Variants in ZBTB37 observed in about 807,000 individuals in gnomAD.
ZBTB37 encodes the protein zinc finger and BTB domain-containing protein 37.
ZBTB37 carries 15 observed loss-of-function variants against 37.7 expected under a neutral mutation model. That is an observed-to-expected ratio of 0.40 (90% CI 0.27 to 0.61). The LOEUF (loss-of-function observed/expected upper bound fraction) is 0.61. Ranked by LOEUF, ZBTB37 falls within the 20% of genes least tolerant of loss-of-function variation. ZBTB37 has a pLI of 0.44. For synonymous variants in ZBTB37, 231 were observed against 220.6 expected (o/e 1.05, Z -0.42); for missense variants, 514 against 641.9 (o/e 0.80, Z 2.15).
chr1:173,879,249 G>T (rs958244943), intron 4 of ZBTB37, among the ~76,000 whole-genome samples: 3 of 152,126 alleles, frequency 2.0e-5, no homozygotes, highest in African/African-American at 7.2e-5. Flanking sequence ...GGTTTAGCAT[G>T]AATCACATCA....
chr1:173,873,506 A>G (rs1256896018), exon 4 of ZBTB37: 1 of 1,613,736 alleles, frequency 6.2e-7, no homozygotes, highest in Non-Finnish European at 8.5e-7. Context: ...TGACAGAGAG[A>G]CACAGAGCCA....
At chr1:173,886,177 A>G in exon 5 of ZBTB37, 1 of 1,503,828 alleles carries the variant, frequency 6.6e-7, no homozygotes, top group Non-Finnish European at 8.9e-7. Context: ...ATAAGCAGCC[A>G]GCATCAGAGC....
rs139276223 is a variant in ZBTB37 at position 173,873,380 on chromosome 1, A to G, written c.924-87A>G. 2.3e-4 allele frequency: 320 copies of G among 1,389,694 alleles called. 1 individual carries two copies. In the African/African-American group the frequency reaches 3.7e-3, roughly 16 times the overall value. The allele number at this position is 1,389,694 out of a possible 1,614,324, so 86.1% of individuals were successfully genotyped here. A position where few individuals can be genotyped will look rare whatever the true frequency, so the allele number is the denominator to read the frequency against. On this transcript the variant is annotated intron_variant, in intron 3 of 4. Transcript: ENST00000427304. ...TTGGTTTGTTCCCCCTTCCTCAGCC[A>G]TAGAATAAAGAGGGGCGACATCACC...
exon 3 of ZBTB37, chr1:173,870,926 A>G: frequency 6.2e-7 from 1 of 1,614,214 alleles, no homozygotes; most frequent in Admixed American, 1.7e-5. Context: ...GGTCGGAGTG[A>G]TGATGAAGTT....
intron 3 of ZBTB37, among the ~76,000 whole-genome samples, chr1:173,872,078 A>T (rs559231884): frequency 2.0e-5 from 3 of 152,204 alleles, no homozygotes; most frequent in Admixed American, 6.5e-5. Context: ...TATTTTATTT[A>T]TTTTATTTGA....
exon 4 of ZBTB37, chr1:173,897,202 C>T (rs1422207928): frequency 6.6e-6 from 1 of 152,144 alleles, no homozygotes; most frequent in African/African-American, 2.4e-5. Context: ...TAGTCATCTA[C>T]TGTGACCTTG....
At chr1:173,871,184 G>C (rs1655538514) in intron 3 of ZBTB37, 36 bp downstream of exon 3, 1 of 1,530,682 alleles carries the variant, frequency 6.5e-7, no homozygotes, top group African/African-American at 1.4e-5. Context: ...CCATGTAATG[G>C]CTATTGTGTA....
At chr1:173,870,591 G>T (rs1295514049) in exon 3 of ZBTB37, 2 of 1,614,154 alleles carry the variant, frequency 1.2e-6, no homozygotes, top group South Asian at 2.2e-5. Flanking sequence ...CACAGATCCT[G>T]GAGGGCATTC....
chr1:173,872,751 T>G (rs993562321), intron 3 of ZBTB37, among the ~76,000 whole-genome samples: 1 of 152,180 alleles, frequency 6.6e-6, no homozygotes, highest in Non-Finnish European at 1.5e-5. Flanking sequence ...CTCACACCTG[T>G]GATCCCAGCA....
chr1:173,901,008 A>G (rs962709632), exon 4 of ZBTB37: 2 of 152,350 alleles, frequency 1.3e-5, no homozygotes, highest in East Asian at 3.9e-4. Flanking sequence ...ATGATAAAAG[A>G]TAAATACGTA....
intron 4 of ZBTB37, 57 bp from the exon 5 acceptor site, chr1:173,885,579 A>T: frequency 7.3e-7 from 1 of 1,373,134 alleles, no homozygotes; most frequent in Non-Finnish European, 9.8e-7. Flanking sequence ...GATTGCTTTT[A>T]ATATGTATGC....
At chr1:173,901,491 C>T (rs1030779114) in exon 4 of ZBTB37, 1 of 151,148 alleles carries the variant, frequency 6.6e-6, no homozygotes, top group Non-Finnish European at 1.5e-5. Flanking sequence ...GCAGCCTCCA[C>T]CTCCTGGACT....
exon 4 of ZBTB37, chr1:173,901,299 C>G (rs991952062): frequency 6.6e-6 from 1 of 152,006 alleles, no homozygotes; most frequent in Non-Finnish European, 1.5e-5. Flanking sequence ...CTGCTATGAT[C>G]TCTGTTCACA....
intron 4 of ZBTB37, among the ~76,000 whole-genome samples, chr1:173,880,127 A>T (rs1031924300): frequency 1.3e-5 from 2 of 152,164 alleles, no homozygotes; most frequent in Non-Finnish European, 2.9e-5. Flanking sequence ...AGTGCATTTT[A>T]TTGCATTTGA....
chr1:173,891,947 A>C (rs985767187), exon 4 of ZBTB37: 1 of 152,174 alleles, frequency 6.6e-6, no homozygotes, highest in Non-Finnish European at 1.5e-5. Flanking sequence ...AGCTTTCTAT[A>C]ATAGGGACTC....
intron 4 of ZBTB37, 71 bp downstream of exon 4, chr1:173,873,637 T>A: frequency 1.9e-6 from 3 of 1,585,034 alleles, no homozygotes; most frequent in Admixed American, 3.6e-5. Context: ...TAGAAAATAA[T>A]GAAAAAGAAA....
chr1:173,870,097 T>C, intron 2 of ZBTB37, 103 bp from the exon 3 acceptor site: 1 of 770,388 alleles, frequency 1.3e-6, no homozygotes, highest in Non-Finnish European at 2.0e-6. Context: ...CTGGAGATTT[T>C]GAAACTTTAC....
chr1:173,900,604 T>C (rs1322635719), exon 4 of ZBTB37: 1 of 152,190 alleles, frequency 6.6e-6, no homozygotes, highest in Non-Finnish European at 1.5e-5. Flanking sequence ...ATATATTGCT[T>C]ACAAGTACGT....
At chr1:173,870,537 A>G (rs1655475432) in exon 3 of ZBTB37, 1 of 1,614,102 alleles carries the variant, frequency 6.2e-7, no homozygotes. Context: ...GCTACCTAAC[A>G]GCTGCCAGTT....
Sources: gnomAD v4.1 joint callset for allele counts (sites outside exome capture counted in the v4.1 genomes callset) on GRCh38, gnomAD v4.1.1 for gene constraint, MANE v1.5 for transcripts, NCBI Gene and HGNC (gene_info 2026-07-23, HGNC 2026-07-21) for gene names.